Variants in ATP13A3 observed in about 807,000 individuals in gnomAD.
ATP13A3 encodes the protein ATPase 13A3.
In ATP13A3, 59 loss-of-function variants were observed where a neutral mutation model predicts 158.1. The observed-to-expected ratio is 0.37, with a 90% CI of 0.30 to 0.46. The LOEUF is 0.46. Among genes scored for constraint, ATP13A3 ranks in the 20% least tolerant of loss-of-function variants. The pLI is 1.00. For synonymous variants in ATP13A3, 491 were observed against 504.3 expected (o/e 0.97, Z 0.35); for missense variants, 1,166 against 1,525.2 (o/e 0.76, Z 3.92).
At chr3:194,466,797 G>A (rs1720014871) in intron 2 of ATP13A3, among the ~76,000 whole-genome samples, 1 of 152,140 alleles carries the variant, frequency 6.6e-6, no homozygotes, top group Admixed American at 6.5e-5. Flanking sequence ...TCCAGCCTGG[G>A]CAGAACAGTG....
At position 194,411,222 on chromosome 3, in the gene ATP13A3, G is replaced by T. The variant is rs114255500; in HGVS notation, c.3573+977C>A. On this transcript the variant is annotated intron_variant, in intron 33 of 33. Coordinates refer to ENST00000645319, the MANE Select transcript of ATP13A3 (RefSeq NM_001367549.1). The stretch of plus-strand genomic sequence containing the variant: ...GATGACCAAAATAAAGCTCAGGAAG[G>T]TACCACTTAGGTAAAAGTTGGCTAA... Among the ~76,000 whole-genome samples, 817 of 152,130 alleles carry T rather than the reference G, an allele frequency of 5.4e-3. 8 individuals are homozygous for T. Among genetic ancestry groups the T allele is most frequent in the African/African-American group, 0.018 (747 of 41,476 alleles).
chr3:194,462,978 C>T (rs1194591542), intron 2 of ATP13A3, among the ~76,000 whole-genome samples: 1 of 152,176 alleles, frequency 6.6e-6, no homozygotes, highest in Non-Finnish European at 1.5e-5. Flanking sequence ...CCATCTTGAG[C>T]TAAAAGTACT....
At position 194,437,561 on chromosome 3, in the gene ATP13A3, G is replaced by A. The variant is rs755744303; in HGVS notation, c.1840C>T (p.Leu614Phe). Reference protein sequence around the residue: ...AGNQEMELFELPATYEIGIVR... With the variant: ...AGNQEMELFEFPATYEIGIVR... ...AGTAAACATTCTTCACTTACTGGAA[G>A]TTCAAACAGCTCCTAAAAACGAAAC... The change falls in exon 18 of 34, where the codon CTT becomes TTT. Residue 614 changes from leucine (L) to phenylalanine (F), a missense_variant. Coordinates refer to ENST00000645319, the MANE Select transcript of ATP13A3 (RefSeq NM_001367549.1). 1 of 1,608,398 alleles carries A rather than the reference G, an allele frequency of 6.2e-7. No homozygotes were observed. The highest frequency in any genetic ancestry group is 8.5e-7 in the Non-Finnish European group (1 of 1,176,818).
At chr3:194,424,293 TA>T (rs1716602550) in intron 30 of ATP13A3, 1 of 151,562 alleles carries the variant, frequency 6.6e-6, no homozygotes, top group African/African-American at 2.4e-5. Context: ...TAGCAATATA[TA>T]ACAATAAATA....
Position 194,412,286 on chromosome 3 carries a change from G to A in ATP13A3, c.3486C>T (p.Asn1162=). The stretch of plus-strand genomic sequence containing the variant: ...TCCAAAGGACCATGTCAAGGAAGAA[G>A]TTCTGAGAGATATTCCAGTGAGTTA... ...VNAFVSITVE[N]FFLDMVLWKV... The change falls in exon 33 of 34, where the codon AAC becomes AAT. Residue 1162 remains asparagine, a splice_region_variant and synonymous_variant. Coordinates refer to ENST00000645319, the MANE Select transcript of ATP13A3 (RefSeq NM_001367549.1). 1.3e-6 allele frequency: 2 copies of A among 1,535,330 alleles called. No individual in the cohort carries two copies. The highest frequency in any genetic ancestry group is 1.7e-6 in the Non-Finnish European group (2 of 1,146,014).
At chr3:194,415,979 T>C (rs1184258493) in intron 31 of ATP13A3, among the ~76,000 whole-genome samples, 1 of 152,244 alleles carries the variant, frequency 6.6e-6, no homozygotes, top group African/African-American at 2.4e-5. Flanking sequence ...ATCTCATTCA[T>C]GCAGAGGCAA....
rs1430262417 is a variant in ATP13A3, at chr3:194,403,648, A to AT, written c.*2270dup. 1 of 153,238 alleles carries AT rather than the reference A, an allele frequency of 6.5e-6. No homozygotes were observed. The highest frequency in any genetic ancestry group is 1.9e-4 in the East Asian group (1 of 5,212). The allele number at this position is 153,238 out of a possible 1,614,324, so 9.5% of individuals were successfully genotyped here. On this transcript the variant is annotated 3_prime_UTR_variant, in exon 34 of 34. Transcript: ENST00000645319. Reference sequence around the variant, plus strand: ...AAAATTTAGGTCTGTATAAACTCAAATAATTTAATGTGAAATTCAGAATCA... The same window carrying AT: ...AAAATTTAGGTCTGTATAAACTCAAATTAATTTAATGTGAAATTCAGAATCA...
rs146179661 is a variant in ATP13A3, at chr3:194,411,126, C to T, written c.3573+1073G>A. On this transcript the variant is annotated intron_variant, in intron 33 of 33. Coordinates refer to ENST00000645319, the MANE Select transcript of ATP13A3 (RefSeq NM_001367549.1). ...TTATTCACCATAAAGCATTAGAAAA[C>T]GGAAATGGTACTCTGCAGGCCCTCT... 3.0e-3 allele frequency among the ~76,000 whole-genome samples: 458 copies of T among 151,610 alleles called. 1 individual carries two copies. The highest frequency in any genetic ancestry group is 0.011 in the African/African-American group (439 of 41,270).
At chr3:194,416,952 A>G (rs1265518658) in intron 31 of ATP13A3, among the ~76,000 whole-genome samples, 2 of 152,220 alleles carry the variant, frequency 1.3e-5, no homozygotes, top group African/African-American at 2.4e-5. Flanking sequence ...ATCTAACAAA[A>G]AATGTACAAA....
Position 194,412,287 on chromosome 3 carries a change from T to C in ATP13A3, c.3485A>G (p.Asn1162Ser). ...VNAFVSITVE[N>S]FFLDMVLWKV... is the part of the protein sequence containing the mutation. ...CCAAAGGACCATGTCAAGGAAGAAG[T>C]TCTGAGAGATATTCCAGTGAGTTAA... is the stretch of plus-strand genomic sequence containing the variant. Residue 1162 changes from asparagine to serine, a missense_variant and splice_region_variant, in exon 33 of 34, where the codon AAC (asparagine) becomes AGC (serine). Physicochemically the swap from Asn to Ser is conservative, Grantham distance 46. Transcript: ENST00000645319. 1.3e-6 allele frequency: 2 copies of C among 1,535,002 alleles called. No individual in the cohort carries two copies. Among genetic ancestry groups the C allele is most frequent in the Non-Finnish European group, 8.7e-7 (1 of 1,145,738 alleles).
At chr3:194,408,826 A>C (rs1715142506) in intron 33 of ATP13A3, among the ~76,000 whole-genome samples, 1 of 152,216 alleles carries the variant, frequency 6.6e-6, no homozygotes, top group African/African-American at 2.4e-5. Context: ...CTCAAACACA[A>C]TATAATTCAC....
intron 33 of ATP13A3, among the ~76,000 whole-genome samples, chr3:194,407,796 C>T (rs1715051464): frequency 6.6e-6 from 1 of 152,036 alleles, no homozygotes; most frequent in African/African-American, 2.4e-5. Flanking sequence ...AAAAAGTCCA[C>T]AGGAAAATAT....
intron 31 of ATP13A3, 31 bp downstream of exon 31, chr3:194,419,848 T>C: frequency 6.4e-7 from 1 of 1,553,318 alleles, no homozygotes; most frequent in Non-Finnish European, 8.6e-7. Context: ...TTAGTCTTTT[T>C]CCCCAAACAA....
intron 2 of ATP13A3, among the ~76,000 whole-genome samples, chr3:194,493,739 T>C (rs1577103423): frequency 6.6e-6 from 1 of 152,216 alleles, no homozygotes; most frequent in African/African-American, 2.4e-5. Flanking sequence ...TCCATGAGTC[T>C]ACCTTATTCA....
At chr3:194,408,462 G>A (rs1013143811) in intron 33 of ATP13A3, among the ~76,000 whole-genome samples, 7 of 152,186 alleles carry the variant, frequency 4.6e-5, no homozygotes, top group East Asian at 3.8e-4. Flanking sequence ...CAATGCGTAC[G>A]TAGCAAGCTG....
chr3:194,485,821 G>C lies in ATP13A3; in HGVS notation c.-74C>G, dbSNP rs1693971265. On this transcript the variant is annotated 5_prime_UTR_variant, in exon 2 of 34. Coordinates refer to ENST00000645319, the MANE Select transcript of ATP13A3 (RefSeq NM_001367549.1). ...CCTATGTCCAAACACCAAGATTCAG[G>C]GATGTCTGTCAGATCTATGGGAAGA... is the stretch of plus-strand genomic sequence containing the variant. 1 of 152,172 alleles carries C rather than the reference G, an allele frequency of 6.6e-6. No homozygotes were observed. The highest frequency in any genetic ancestry group is 6.5e-5 in the Admixed American group (1 of 15,274). The allele number at this position is 152,172 out of a possible 1,614,324, so 9.4% of individuals were successfully genotyped here.
intron 7 of ATP13A3, 48 bp from the exon 8 acceptor site, chr3:194,456,010 A>G (rs761153145): frequency 5.4e-5 from 65 of 1,209,894 alleles, no homozygotes; most frequent in Non-Finnish European, 6.8e-5. Context: ...TCATAATAGT[A>G]TAATTTACGA....
At chr3:194,454,493 A>T in intron 8 of ATP13A3, 101 bp from the exon 9 acceptor site, 2 of 1,267,238 alleles carry the variant, frequency 1.6e-6, no homozygotes, top group Non-Finnish European at 2.2e-6. Context: ...AATATGTACA[A>T]GATAAGCTCC....
At chr3:194,491,843 T>A (rs556150827), upstream of ATP13A3, among the ~76,000 whole-genome samples, 169 of 73,678 alleles carry the variant, frequency 2.3e-3, no homozygotes, top group African/African-American at 8.8e-3. Flanking sequence ...ACCTGGCATG[T>A]CCCCTCATCT....
Sources: gnomAD v4.1 joint callset for allele counts (sites outside exome capture counted in the v4.1 genomes callset) on GRCh38, gnomAD v4.1.1 for gene constraint, MANE v1.5 for transcripts, NCBI Gene and HGNC (gene_info 2026-07-23, HGNC 2026-07-21) for gene names.